The following MX2 variants were observed in gnomAD, a reference collection of about 807,000 sequenced individuals.
The protein encoded by MX2 is MX dynamin like GTPase 2, also known as interferon-induced GTP-binding protein Mx2.
Under a neutral mutation model 74.0 loss-of-function variants are expected in MX2, and 51 were observed. That is an observed-to-expected ratio of 0.69 (90% CI 0.55 to 0.87). MX2 has a LOEUF of 0.87. Among genes scored for constraint, MX2 ranks in the 40% least tolerant of loss-of-function variants. The probability of loss-of-function intolerance (pLI) is 0.00; values close to 1 mark genes in which losing one functional copy is unlikely to be tolerated. For synonymous variants in MX2, 369 were observed against 339.3 expected (o/e 1.09, Z -0.96); for missense variants, 832 against 908.7 (o/e 0.92, Z 1.09).
At chr21:41,393,488 CCTCCCTCCTTCCTGAAA>C (rs1260390945) in intron 6 of MX2, among the ~76,000 whole-genome samples, 3 of 152,046 alleles carry the variant, frequency 2.0e-5, no homozygotes, top group Admixed American at 6.6e-5. Context: ...CCTTCCTGAA[CCTCCCTCCTTCCTGAAA>C]CTCCCTCCTT....
chr21:41,372,958 C>T (rs28425), intron 1 of MX2: 34,758 of 152,076 alleles, frequency 0.23, 4,925 homozygotes, highest in East Asian at 0.52. Flanking sequence ...CTACTGTATG[C>T]CAGGTACTTT....
At position 41,383,540 on chromosome 21, in the gene MX2, T is replaced by C. The variant is rs543461932; in HGVS notation, c.732+976T>C. Among the ~76,000 whole-genome samples the C allele has an allele frequency of 2.6e-5, 4 of 152,326 alleles. No individual in the cohort carries two copies. The South Asian group carries it at 6.2e-4, about 24-fold the overall frequency. ...GTGGAAATGAAGGAGACAGAGTCGA[T>C]GCCAGGGCAGGGGAAGGCTGGGGAG... On this transcript the variant is annotated intron_variant, in intron 5 of 13. Transcript: ENST00000330714.
rs1486883757 is a variant in MX2 at position 41,406,800 on chromosome 21, A to G, written c.1707A>G (p.Gln569=). Residue 569 remains glutamine (Q), a synonymous_variant, in exon 13 of 14, where the codon CAA becomes CAG. Transcript: ENST00000330714. ...CAGCAAAGGCAGAAAACATGATCCA[A>G]CTTCAGTTCAGAATGGAGCAGATGG... is the stretch of plus-strand genomic sequence containing the variant. ...KHTAKAENMI[Q]LQFRMEQMVF... The G allele has an allele frequency of 6.2e-7, 1 of 1,614,124 alleles. No homozygotes were observed. Among genetic ancestry groups the G allele is most frequent in the Non-Finnish European group, 8.5e-7 (1 of 1,180,044 alleles).
At position 41,363,945 on chromosome 21, in the gene MX2, C is replaced by T. The variant is rs62219628; in HGVS notation, c.-72+1890C>T. The T allele has an allele frequency of 0.025, 3,899 of 154,998 alleles. 76 individuals are homozygous for T. The highest frequency in any genetic ancestry group is 0.036 in the Non-Finnish European group (2,490 of 68,296). 9.6% of individuals were successfully genotyped at this position (154,998 alleles called of 1,614,324 possible). On this transcript the variant is annotated intron_variant, in intron 1 of 13. Transcript: ENST00000330714. The surrounding 1 kb of genome is among the most constrained non-coding windows in gnomAD (Gnocchi z 4.2). ...TGCAGGTCAGAGACAGCAGTGGAGACCCGATTCCCAGCCCTGGGCTGGGGC... is the reference window on the plus strand; with the variant it reads ...TGCAGGTCAGAGACAGCAGTGGAGATCCGATTCCCAGCCCTGGGCTGGGGC...
rs543376218 is a variant in MX2, at chr21:41,380,318, G to T, written c.577+167G>T. On this transcript the variant is annotated intron_variant, in intron 4 of 13. Transcript: ENST00000330714. The surrounding 1 kb of genome is among the most constrained non-coding windows in gnomAD (Gnocchi z 4.3). Reference sequence around the variant, plus strand: ...GCTGTCACCTCCACCATCCCTCCAGGTCCTTGTCCAGGTCCCCTCTCATCG... The same window carrying T: ...GCTGTCACCTCCACCATCCCTCCAGTTCCTTGTCCAGGTCCCCTCTCATCG... Among the ~76,000 whole-genome samples, 2 of 151,976 alleles carry T rather than the reference G, an allele frequency of 1.3e-5. No individual in the cohort carries two copies. The highest frequency in any genetic ancestry group is 2.9e-5 in the Non-Finnish European group (2 of 68,004).
At chr21:41,389,526 G>GTACATACA (rs750550802) in intron 5 of MX2, 2 of 151,888 alleles carry the variant, frequency 1.3e-5, no homozygotes, top group African/African-American at 2.4e-5. Context: ...GTCTCAGTAA[G>GTACATACA]TACATACATA....
In MX2 at chr21:41,402,004, T is replaced by A; in HGVS notation, c.1449T>A (p.Tyr483Ter). 2 of 1,613,778 alleles carry A rather than the reference T, an allele frequency of 1.2e-6. No homozygotes were observed. The highest frequency in any genetic ancestry group is 1.7e-6 in the Non-Finnish European group (2 of 1,179,936). The change falls in exon 11 of 14, where the codon TAT becomes TAA. Residue 483 changes from tyrosine (Y) to a stop codon, truncating the protein, a stop_gained. Coordinates refer to ENST00000330714, the MANE Select transcript of MX2 (RefSeq NM_002463.2). LOFTEE classifies it high-confidence loss of function. This position sits in a 1 kb window ranked among gnomAD's most constrained non-coding sequence, Gnocchi z 4.5. ...TTATCCACGAAGAAGTTGAAAAATA[T>A]GAAAAGCAGTATCGAGGCAAGGAGC... ...KNIIHEEVEK[Y>*]EKQYRGKELL...
chr21:41,399,093 TC>T, intron 9 of MX2, 74 bp downstream of exon 9: 1 of 1,595,822 alleles, frequency 6.3e-7, no homozygotes, highest in Non-Finnish European at 8.6e-7. Flanking sequence ...TTCCCCTTCT[TC>T]ACCCATGAGA....
chr21:41,394,959 AAAGGAAGGAAGGAAGC>A (rs1568945178), intron 6 of MX2, among the ~76,000 whole-genome samples: 1 of 150,992 alleles, frequency 6.6e-6, no homozygotes, highest in African/African-American at 2.5e-5. Flanking sequence ...AGAGAGAGAG[AAAGGAAGGAAGGAAGC>A]AAGGAAAGAA....
chr21:41,378,017 C>T, intron 3 of MX2, 36 bp downstream of exon 3: 1 of 1,594,612 alleles, frequency 6.3e-7, no homozygotes, highest in Non-Finnish European at 8.6e-7. Flanking sequence ...CCGCAGCAAG[C>T]AGCGCCACCT....
chr21:41,384,117 G>A (rs1234638142), intron 5 of MX2, among the ~76,000 whole-genome samples: 1 of 152,076 alleles, frequency 6.6e-6, no homozygotes, highest in Non-Finnish European at 1.5e-5. Context: ...CCCTCCTGCC[G>A]CCTTGTGAAG....
Position 41,378,008 on chromosome 21 carries a change from C to T in MX2, c.442+27C>T, listed in dbSNP as rs961478880. 6 of 1,602,346 alleles carry T rather than the reference C, an allele frequency of 3.7e-6. No individual in the cohort carries two copies. In the African/African-American group the frequency reaches 5.4e-5, roughly 14 times the overall value. ...TAAGTTCAACGGACCACCTTCCCTCCGCAGCAAGCAGCGCCACCTGTAAGC... is the reference window on the plus strand; with the variant it reads ...TAAGTTCAACGGACCACCTTCCCTCTGCAGCAAGCAGCGCCACCTGTAAGC... On this transcript the variant is annotated intron_variant, in intron 3 of 13. Coordinates refer to ENST00000330714, the MANE Select transcript of MX2 (RefSeq NM_002463.2).
chr21:41,388,651 G>C lies in MX2; in HGVS notation c.733-1914G>C, dbSNP rs73370139. 6.6e-6 allele frequency among the ~76,000 whole-genome samples: 1 copy of C among 152,074 alleles called. No individual in the cohort carries two copies. Among genetic ancestry groups the C allele is most frequent in the Non-Finnish European group, 1.5e-5 (1 of 68,018 alleles). ...CCCAGGATGGGCCCCACACCTGGTG[G>C]GCACTGCTAATGTTTGCTGCATGCA... is the stretch of plus-strand genomic sequence containing the variant. On this transcript the variant is annotated intron_variant, in intron 5 of 13. Transcript: ENST00000330714. This position sits in a 1 kb window ranked among gnomAD's most constrained non-coding sequence, Gnocchi z 4.0.
At chr21:41,374,515 C>T (rs1051995852) in intron 1 of MX2, among the ~76,000 whole-genome samples, 4 of 152,228 alleles carry the variant, frequency 2.6e-5, no homozygotes, top group Admixed American at 2.0e-4. Context: ...GATGACTGGG[C>T]TCCATCCTAC....
Position 41,388,341 on chromosome 21 carries a change from G to A in MX2, c.733-2224G>A, listed in dbSNP as rs2089609586. 6.6e-6 allele frequency among the ~76,000 whole-genome samples: 1 copy of A among 152,140 alleles called. No individual in the cohort carries two copies. Among genetic ancestry groups the A allele is most frequent in the South Asian group, 2.1e-4 (1 of 4,836 alleles). On this transcript the variant is annotated intron_variant, in intron 5 of 13. Transcript: ENST00000330714. The surrounding 1 kb of genome is among the most constrained non-coding windows in gnomAD (Gnocchi z 4.0). ...CCACATCCGGGTTCTGCGGCCCTTGGTCCCTCTGGCTCACTTTTGCCTGGA... is the reference window on the plus strand; with the variant it reads ...CCACATCCGGGTTCTGCGGCCCTTGATCCCTCTGGCTCACTTTTGCCTGGA...
Position 41,368,270 on chromosome 21 carries a change from A to C in MX2, c.-72+6215A>C, listed in dbSNP as rs1290177453. On this transcript the variant is annotated intron_variant, in intron 1 of 13. Transcript: ENST00000330714. This position sits in a 1 kb window ranked among gnomAD's most constrained non-coding sequence, Gnocchi z 4.6. ...TTCCGTGTCGTCTCCGTGAGCCTGC[A>C]GGGGCACCCAGCCAGCCGACAGGCT... is the stretch of plus-strand genomic sequence containing the variant. 6.6e-6 allele frequency among the ~76,000 whole-genome samples: 1 copy of C among 152,138 alleles called. No homozygotes were observed.
At chr21:41,365,590 A>G (rs1177408015) in intron 1 of MX2, 1 of 152,212 alleles carries the variant, frequency 6.6e-6, no homozygotes, top group African/African-American at 2.4e-5. Flanking sequence ...ATAGTATTCC[A>G]TAGTGTATAT....
chr21:41,380,827 G>A lies in MX2; in HGVS notation c.577+676G>A, dbSNP rs73228014. Among the ~76,000 whole-genome samples, 2,845 of 152,290 alleles carry A rather than the reference G, an allele frequency of 0.019. 36 individuals are homozygous for A. Among genetic ancestry groups the A allele is most frequent in the Admixed American group, 0.03 (464 of 15,302 alleles). On this transcript the variant is annotated intron_variant, in intron 4 of 13. Coordinates refer to ENST00000330714, the MANE Select transcript of MX2 (RefSeq NM_002463.2). The surrounding 1 kb of genome is among the most constrained non-coding windows in gnomAD (Gnocchi z 4.3). ...TACGTCCCTTGGAGTGCACAGCCCT[G>A]CCTGCCCCAGGCACTGGAGCCTCTC...
intron 3 of MX2, 68 bp from the exon 4 acceptor site, chr21:41,379,949 G>A: frequency 8.8e-6 from 14 of 1,583,174 alleles, no homozygotes; most frequent in Non-Finnish European, 1.1e-5. Context: ...GGCAGGTTCT[G>A]GGAGCGAAGG....
Sources: gnomAD v4.1 joint callset for allele counts (sites outside exome capture counted in the v4.1 genomes callset) on GRCh38, gnomAD v4.1.1 for gene constraint, Gnocchi (gnomAD v3.1) non-coding constraint, MANE v1.5 for transcripts, NCBI Gene and HGNC (gene_info 2026-07-23, HGNC 2026-07-21) for gene names.